ZNF10: variants seen among roughly 807,000 people sequenced by gnomAD.
ZNF10 encodes zinc finger protein 10 (KOX 1).
ZNF10 carries 8 observed loss-of-function variants against 12.2 expected under a neutral mutation model. The observed-to-expected ratio is 0.66, with a 90% CI of 0.39 to 1.18. The LOEUF (loss-of-function observed/expected upper bound fraction) is 1.18, where lower values mean the gene tolerates loss of function less well. ZNF10 is among the 50% of genes most tolerant of loss of function. The pLI, the probability that ZNF10 is intolerant of heterozygous loss-of-function variation, is 0.01. For missense variants in ZNF10, 603 were observed against 678.9 expected, an observed-to-expected ratio of 0.89 and a Z score of 1.24; for synonymous variants, 229 against 228.2, an observed-to-expected ratio of 1.00 and a Z score of -0.03.
At chr12:133,153,007 T>A (rs887912018) in intron 4 of ZNF10, among the ~76,000 whole-genome samples, 1 of 152,166 alleles carries the variant, frequency 6.6e-6, no homozygotes, top group Non-Finnish European at 1.5e-5. Context: ...AAGCAAGTCT[T>A]TCTTTGGGAC....
chr12:133,146,650 A>T (rs1211333117), intron 2 of ZNF10, among the ~76,000 whole-genome samples: 8 of 152,144 alleles, frequency 5.3e-5, no homozygotes, highest in Admixed American at 5.2e-4. Context: ...GTTCGAGACC[A>T]GCCTGGCCAA....
Position 133,155,907 on chromosome 12 carries a change from C to G in ZNF10, c.661C>G (p.Gln221Glu), listed in dbSNP as rs139499536. 5 of 1,613,726 alleles carry G rather than the reference C, an allele frequency of 3.1e-6. No homozygotes were observed. The African/African-American group carries it at 6.7e-5, about 22-fold the overall frequency. Reference protein sequence around the residue: ...NSNECGQTFCQNIHLIQFART... With the variant: ...NSNECGQTFCENIHLIQFART... ...TAATGAATGTGGTCAAACTTTCTGT[C>G]AAAACATTCACCTTATTCAGTTTGC... Residue 221 changes from glutamine to glutamate, a missense_variant, in exon 5 of 5, where the codon CAA becomes GAA. By Grantham distance (29) the Gln-to-Glu change is conservative. Coordinates refer to ENST00000248211, the MANE Select transcript of ZNF10 (RefSeq NM_015394.5).
In ZNF10 at chr12:133,156,452, G is replaced by A. The variant is rs151275316; in HGVS notation, c.1206G>A (p.Val402=). The A allele has an allele frequency of 4.3e-5, 70 of 1,613,426 alleles. No individual in the cohort carries two copies. Among genetic ancestry groups the A allele is most frequent in the Non-Finnish European group, 5.8e-5 (68 of 1,179,674 alleles). Residue 402 remains valine (V), a synonymous_variant, in exon 5 of 5, where the codon GTG becomes GTA. Transcript: ENST00000248211. ...LILHQRTHVR[V]RPYECNECGK... is the part of the protein sequence containing the mutation. ...TGCATCAGAGAACCCATGTGAGAGT[G>A]AGGCCCTATGAATGCAATGAATGTG...
rs754611127 is a variant in ZNF10, at chr12:133,151,070, G to T, written c.76G>T (p.Glu26Ter). The change falls in exon 3 of 5, where the codon GAG (glutamate) becomes TAG (stop). Residue 26 changes from glutamate (E) to a stop codon, truncating the protein, a stop_gained. Coordinates refer to ENST00000248211, the MANE Select transcript of ZNF10 (RefSeq NM_015394.5). LOFTEE classifies it high-confidence loss of function. ...FKDVFVDFTR[E>*]EWKLLDTAQQ... ...GGATGTATTTGTGGACTTCACCAGG[G>T]AGGAGTGGAAGCTGCTGGACACTGC... The T allele has an allele frequency of 6.2e-7, 1 of 1,613,712 alleles. No homozygotes were observed. Among genetic ancestry groups the T allele is most frequent in the Non-Finnish European group, 8.5e-7 (1 of 1,179,670 alleles).
rs1393802902 is a variant in ZNF10 at position 133,156,625 on chromosome 12, CAT to C, written c.1382_1383del (p.Tyr461Ter). ...CAAAGAACCCACACTGGAGAGAAACCATATGAGTGTCATGATTGTGGAAAATC... is the reference window on the plus strand; with the variant it reads ...CAAAGAACCCACACTGGAGAGAAACCATGAGTGTCATGATTGTGGAAAATC... On this transcript the variant is annotated frameshift_variant, in exon 5 of 5. Transcript: ENST00000248211. LOFTEE classifies it low-confidence loss of function (END_TRUNC). 2 of 1,613,926 alleles carry C rather than the reference CAT, an allele frequency of 1.2e-6. No homozygotes were observed. Among genetic ancestry groups the C allele is most frequent in the Non-Finnish European group, 1.7e-6 (2 of 1,179,996 alleles).
chr12:133,141,966 A>G (rs755053085), intron 1 of ZNF10, among the ~76,000 whole-genome samples: 3 of 152,216 alleles, frequency 2.0e-5, no homozygotes, highest in Non-Finnish European at 4.4e-5. Context: ...ATACAGAGGA[A>G]TAAGGGATTA....
At chr12:133,151,929 T>A in intron 4 of ZNF10, 25 bp downstream of exon 4, 1 of 1,599,392 alleles carries the variant, frequency 6.3e-7, no homozygotes, top group Non-Finnish European at 8.6e-7. Flanking sequence ...AGAGTTGTCA[T>A]AGGCAGCAGC....
intron 1 of ZNF10, among the ~76,000 whole-genome samples, chr12:133,132,525 A>G (rs1342043103): frequency 2.0e-5 from 3 of 152,304 alleles, no homozygotes; most frequent in Middle Eastern, 3.4e-3. Flanking sequence ...TCTCAAAAAA[A>G]AAGTATTTTA....
chr12:133,138,863 G>A (rs781269299), intron 1 of ZNF10, among the ~76,000 whole-genome samples: 49 of 152,128 alleles, frequency 3.2e-4, no homozygotes, highest in Non-Finnish European at 5.3e-4. Flanking sequence ...TAAAGGAACC[G>A]TCTGGGTTCG....
At position 133,156,153 on chromosome 12, in the gene ZNF10, A is replaced by G; in HGVS notation, c.907A>G (p.Ser303Gly). The change falls in exon 5 of 5, where the codon AGC becomes GGC. Residue 303 changes from serine (S) to glycine (G), a missense_variant. By Grantham distance (56) the Ser-to-Gly change is moderately conservative. Coordinates refer to ENST00000248211, the MANE Select transcript of ZNF10 (RefSeq NM_015394.5). ...GTGTAAAGAATGTGGAAAGTCTTTC[A>G]GCCGGAGTTCTCACCTCATTGGACA... ...YECKECGKSFSRSSHLIGHQK... is the reference protein window; with the variant it reads ...YECKECGKSFGRSSHLIGHQK... The G allele has an allele frequency of 6.2e-7, 1 of 1,613,722 alleles. No homozygotes were observed. The highest frequency in any genetic ancestry group is 8.5e-7 in the Non-Finnish European group (1 of 1,180,034).
chr12:133,155,050 C>T (rs1956030748), intron 4 of ZNF10, among the ~76,000 whole-genome samples: 1 of 151,206 alleles, frequency 6.6e-6, no homozygotes, highest in South Asian at 2.1e-4. Context: ...TGCACTCCAG[C>T]CTGGACAACA....
intron 2 of ZNF10, among the ~76,000 whole-genome samples, chr12:133,146,251 C>CCACTG (rs944449508): frequency 2.6e-5 from 4 of 152,180 alleles, no homozygotes; most frequent in African/African-American, 9.7e-5. Context: ...TACGTCACCA[C>CCACTG]CACTGCACTG....
chr12:133,151,940 C>T, intron 4 of ZNF10, 36 bp downstream of exon 4: 1 of 1,566,206 alleles, frequency 6.4e-7, no homozygotes, highest in Admixed American at 1.7e-5. Flanking sequence ...AGGCAGCAGC[C>T]CAGATGGGCT....
At chr12:133,148,194 C>T (rs1056884942) in intron 2 of ZNF10, among the ~76,000 whole-genome samples, 1 of 152,182 alleles carries the variant, frequency 6.6e-6, no homozygotes, top group Admixed American at 6.5e-5. Flanking sequence ...GATCTGGGCT[C>T]ACTGCAACCT....
chr12:133,158,176 C>T lies in ZNF10; in HGVS notation c.*1208C>T, dbSNP rs1161207357. 6.6e-6 allele frequency: 1 copy of T among 152,124 alleles called. No homozygotes were observed. The highest frequency in any genetic ancestry group is 6.6e-5 in the Admixed American group (1 of 15,266). The allele number at this position is 152,124 out of a possible 1,614,324, so 9.4% of individuals were successfully genotyped here. On this transcript the variant is annotated 3_prime_UTR_variant, in exon 5 of 5. Coordinates refer to ENST00000248211, the MANE Select transcript of ZNF10 (RefSeq NM_015394.5). Reference sequence around the variant, plus strand: ...AATTAGCGATAATAATAGTACTTACCTGGTAGGATTATGGTGAGTATTAAA... The same window carrying T: ...AATTAGCGATAATAATAGTACTTACTTGGTAGGATTATGGTGAGTATTAAA...
At chr12:133,138,757 C>T (rs566391667) in intron 1 of ZNF10, among the ~76,000 whole-genome samples, 1 of 152,080 alleles carries the variant, frequency 6.6e-6, no homozygotes, top group Admixed American at 6.6e-5. Context: ...AGGGAAGGAC[C>T]CATGTCTGAA....
Position 133,137,202 on chromosome 12 carries a change from G to A in ZNF10, c.-60+6448G>A, listed in dbSNP as rs138978156. ...GTGTTCCCAAATCTTCTGGATTAAAGTATTAGCCTACTACCTGGTTTTTTT... is the reference window on the plus strand; with the variant it reads ...GTGTTCCCAAATCTTCTGGATTAAAATATTAGCCTACTACCTGGTTTTTTT... On this transcript the variant is annotated intron_variant, in intron 1 of 4. Coordinates refer to ENST00000248211, the MANE Select transcript of ZNF10 (RefSeq NM_015394.5). 6.9e-3 allele frequency among the ~76,000 whole-genome samples: 1,054 copies of A among 152,238 alleles called. 3 individuals are homozygous for A. The highest frequency in any genetic ancestry group is 0.031 in the Middle Eastern group (9 of 294).
chr12:133,143,479 GA>G (rs1403246944), intron 1 of ZNF10: 6 of 151,854 alleles, frequency 4.0e-5, no homozygotes, highest in African/African-American at 1.5e-4. Context: ...TTAGCTATAA[GA>G]AAGCTGAAAG....
At chr12:133,132,169 A>C (rs1955883149) in intron 1 of ZNF10, among the ~76,000 whole-genome samples, 1 of 152,218 alleles carries the variant, frequency 6.6e-6, no homozygotes, top group Admixed American at 6.5e-5. Context: ...GAAAAACTTC[A>C]AAACCTTACT....
Sources: allele counts gnomAD v4.1 joint callset (sites outside exome capture counted in the v4.1 genomes callset), GRCh38; gene constraint gnomAD v4.1.1; transcripts MANE v1.5; gene names NCBI Gene and HGNC (gene_info 2026-07-23, HGNC 2026-07-21).